Variants in RHBDF2 observed in about 807,000 individuals in gnomAD.
RHBDF2 encodes the protein rhomboid 5 homolog 2.
A neutral mutation model predicts 95.2 loss-of-function variants in RHBDF2; 38 were observed. The observed-to-expected ratio is 0.40, with a 90% CI of 0.31 to 0.52. RHBDF2 has a LOEUF of 0.52. Among genes scored for constraint, RHBDF2 ranks in the 20% least tolerant of loss-of-function variants. The pLI, the probability that RHBDF2 is intolerant of heterozygous loss-of-function variation, is 0.56. For synonymous variants in RHBDF2, 442 were observed against 462.0 expected, an observed-to-expected ratio of 0.96 and a Z score of 0.55; for missense variants, 863 against 1,137.7, an observed-to-expected ratio of 0.76 and a Z score of 3.47.
chr17:76,480,830 C>CG (rs1178211009), intron 3 of RHBDF2, among the ~76,000 whole-genome samples: 10 of 152,200 alleles, frequency 6.6e-5, no homozygotes, highest in South Asian at 6.2e-4. Flanking sequence ...CTCGGGTGAA[C>CG]GGGGGGCGTT....
At chr17:76,483,053 C>T (rs942735888) in intron 2 of RHBDF2, among the ~76,000 whole-genome samples, 2 of 152,140 alleles carry the variant, frequency 1.3e-5, no homozygotes, top group African/African-American at 4.8e-5. Flanking sequence ...CCTGTAGTTC[C>T]AGCTACTCGG....
At position 76,479,063 on chromosome 17, in the gene RHBDF2, C is replaced by T; in HGVS notation, c.468+19G>A. The T allele has an allele frequency of 6.2e-7, 1 of 1,613,338 alleles. No individual in the cohort carries two copies. Among genetic ancestry groups the T allele is most frequent in the South Asian group, 1.1e-5 (1 of 91,076 alleles). The stretch of plus-strand genomic sequence containing the variant: ...CCATTAGGGTCCCCACCCCTGCCTC[C>T]TTTCCCCATGGATCCCACCTTGGGC... On this transcript the variant is annotated intron_variant, in intron 5 of 18. Transcript: ENST00000675367.
At chr17:76,499,139 AAAAAACAAAAAC>A (rs1290565613) in intron 1 of RHBDF2, among the ~76,000 whole-genome samples, 1 of 152,164 alleles carries the variant, frequency 6.6e-6, no homozygotes, top group Non-Finnish European at 1.5e-5. Flanking sequence ...CAAGAGACCA[AAAAAACAAAAAC>A]AAAAACAAAA....
chr17:76,481,643 TGCC>T, intron 2 of RHBDF2, 98 bp from the exon 3 acceptor site: 3 of 1,166,066 alleles, frequency 2.6e-6, no homozygotes, highest in Non-Finnish European at 3.5e-6. Context: ...AGAACCAACT[TGCC>T]TAAAGTTGGT....
intron 3 of RHBDF2, among the ~76,000 whole-genome samples, chr17:76,480,830 C>T (rs567320759): frequency 2.6e-5 from 4 of 152,318 alleles, no homozygotes; most frequent in South Asian, 2.1e-4. Flanking sequence ...CTCGGGTGAA[C>T]GGGGGGCGTT....
intron 2 of RHBDF2, among the ~76,000 whole-genome samples, chr17:76,484,773 T>A (rs1019199816): frequency 6.6e-6 from 1 of 152,176 alleles, no homozygotes; most frequent in African/African-American, 2.4e-5. Flanking sequence ...CCAGCTTTCC[T>A]GGGCCCCTCA....
At chr17:76,492,267 G>A (rs546475808) in intron 1 of RHBDF2, among the ~76,000 whole-genome samples, 85 of 152,204 alleles carry the variant, frequency 5.6e-4, no homozygotes, top group African/African-American at 1.9e-3. Flanking sequence ...ATGGGTTGAG[G>A]CCTCTGTACC....
intron 2 of RHBDF2, among the ~76,000 whole-genome samples, chr17:76,484,360 A>T (rs1373543579): frequency 6.6e-6 from 1 of 152,008 alleles, no homozygotes; most frequent in Non-Finnish European, 1.5e-5. Flanking sequence ...CTCTCCTTGT[A>T]CGAAGCCAGG....
At position 76,471,564 on chromosome 17, in the gene RHBDF2, T is replaced by C; in HGVS notation, c.*69A>G. On this transcript the variant is annotated 3_prime_UTR_variant, in exon 19 of 19. Coordinates refer to ENST00000675367, the MANE Select transcript of RHBDF2 (RefSeq NM_001005498.4). ...GCTCTCTGGCACACAGAGAGCGCTCTGCAGAGGGCAGCCCTCGCAGGCAGA... is the reference window on the plus strand; with the variant it reads ...GCTCTCTGGCACACAGAGAGCGCTCCGCAGAGGGCAGCCCTCGCAGGCAGA... The C allele has an allele frequency of 1.4e-6, 2 of 1,461,754 alleles. No individual in the cohort carries two copies. Among genetic ancestry groups the C allele is most frequent in the African/African-American group, 1.4e-5 (1 of 70,838 alleles). The allele number at this position is 1,461,754 out of a possible 1,614,324, so 90.5% of individuals were successfully genotyped here.
At chr17:76,489,514 G>A (rs1486583220) in intron 1 of RHBDF2, among the ~76,000 whole-genome samples, 1 of 152,066 alleles carries the variant, frequency 6.6e-6, no homozygotes, top group Non-Finnish European at 1.5e-5. Context: ...TAGTAGAGAC[G>A]GGGTTTCACC....
chr17:76,480,386 CTATA>C (rs1325037736), intron 3 of RHBDF2, among the ~76,000 whole-genome samples: 1 of 151,458 alleles, frequency 6.6e-6, no homozygotes, highest in African/African-American at 2.4e-5. Flanking sequence ...CATGCCCGGC[CTATA>C]TATATATTTT....
At chr17:76,483,890 C>T (rs908464907) in intron 2 of RHBDF2, among the ~76,000 whole-genome samples, 1 of 152,180 alleles carries the variant, frequency 6.6e-6, no homozygotes, top group Admixed American at 6.5e-5. Context: ...TCTGACTCCA[C>T]CAGAATTAAC....
chr17:76,492,544 C>T (rs564469042), intron 1 of RHBDF2, among the ~76,000 whole-genome samples: 18 of 152,274 alleles, frequency 1.2e-4, no homozygotes, highest in Admixed American at 8.5e-4. Flanking sequence ...GTACAAGGGT[C>T]CCCCCGCCAT....
intron 1 of RHBDF2, among the ~76,000 whole-genome samples, chr17:76,498,949 T>C (rs1216515857): frequency 6.6e-6 from 1 of 151,646 alleles, no homozygotes; most frequent in Non-Finnish European, 1.5e-5. Context: ...GTGGGGCTCT[T>C]GGGTGGGGCC....
Position 76,471,909 on chromosome 17 carries a change from C to A in RHBDF2, c.2208G>T (p.Leu736=). 6.3e-7 allele frequency: 1 copy of A among 1,576,546 alleles called. No individual in the cohort carries two copies. The highest frequency in any genetic ancestry group is 8.6e-7 in the Non-Finnish European group (1 of 1,160,910). ...IVLFLFICGL[L]PWIDNIAHIF... ...TGTGGGCGATGTTGTCGATCCAGGG[C>A]AGGAGGCCACAGATGAACAGGAAGA... Residue 736 remains leucine (L), a synonymous_variant, in exon 19 of 19, where the codon CTG becomes CTT. Transcript: ENST00000675367.
intron 1 of RHBDF2, among the ~76,000 whole-genome samples, chr17:76,489,835 G>A (rs1019326674): frequency 1.3e-5 from 2 of 152,190 alleles, no homozygotes; most frequent in African/African-American, 2.4e-5. Flanking sequence ...AGAGGGGTTT[G>A]GTAACTTGCC....
At chr17:76,479,481 C>T in intron 4 of RHBDF2, 8 of 811,498 alleles carry the variant, frequency 9.9e-6, no homozygotes, top group Middle Eastern at 2.3e-4. Flanking sequence ...CAGGCTAGGG[C>T]CCCAGGCACC....
chr17:76,480,770 C>A (rs2073941095), intron 3 of RHBDF2, among the ~76,000 whole-genome samples: 1 of 152,188 alleles, frequency 6.6e-6, no homozygotes, highest in South Asian at 2.1e-4. Flanking sequence ...TCCAGTCCCT[C>A]CCCTCTGCAC....
At position 76,479,754 on chromosome 17, in the gene RHBDF2, G is replaced by T. The variant is rs2073891690; in HGVS notation, c.251C>A (p.Ser84Ter). ...TCACTTGCGGATGCTCTGGGACAGT[G>T]AGGCCTGGCGGCGGAAGCCAGGGCG... Reference protein sequence around the residue: ...EKRPGFRRQASLSQSIRKGAA... With the variant: ...EKRPGFRRQA The change falls in exon 4 of 19, where the codon TCA becomes TAA. Residue 84 changes from serine to a stop codon, truncating the protein, a stop_gained. Transcript: ENST00000675367. LOFTEE classifies it high-confidence loss of function. The T allele has an allele frequency of 6.2e-7, 1 of 1,611,200 alleles. No homozygotes were observed. The highest frequency in any genetic ancestry group is 1.3e-5 in the African/African-American group (1 of 74,848).
Sources: allele counts gnomAD v4.1 joint callset (sites outside exome capture counted in the v4.1 genomes callset), GRCh38; gene constraint gnomAD v4.1.1; transcripts MANE v1.5; gene names NCBI Gene and HGNC (gene_info 2026-07-23, HGNC 2026-07-21).